Variants in OPCML observed in about 807,000 individuals in gnomAD.
OPCML encodes the protein opioid-binding protein/cell adhesion molecule.
A neutral mutation model predicts 37.8 loss-of-function variants in OPCML; 13 were observed. That is an observed-to-expected ratio of 0.34 (90% CI 0.22 to 0.55). The LOEUF (loss-of-function observed/expected upper bound fraction) is 0.55. OPCML is among the 20% of genes least tolerant of loss of function. The pLI is 0.91. For synonymous variants in OPCML, 176 were observed against 168.8 expected (o/e 1.04, Z -0.33); for missense variants, 341 against 435.6 (o/e 0.78, Z 1.93).
intron 3 of OPCML, among the ~76,000 whole-genome samples, chr11:132,571,635 A>G (rs1480716140): frequency 6.6e-6 from 1 of 152,170 alleles, no homozygotes; most frequent in African/African-American, 2.4e-5. Flanking sequence ...CTATTCTATC[A>G]TACACATACA....
Position 133,208,080 on chromosome 11 carries a change from A to AT in OPCML, c.62-265071dup, listed in dbSNP as rs561864700. On this transcript the variant is annotated intron_variant, in intron 1 of 7. Transcript: ENST00000524381. This position sits in a 1 kb window ranked among gnomAD's most constrained non-coding sequence, Gnocchi z 8.9. The stretch of plus-strand genomic sequence containing the variant: ...CCTTACTCTGAGCTCCCATAGCATT[A>AT]TTTTTTTCTCTCTTCAGAGCATCTA... Among the ~76,000 whole-genome samples the AT allele has an allele frequency of 8.7e-4, 133 of 152,162 alleles. 1 individual carries two copies. In the East Asian group the frequency reaches 0.017, roughly 19 times the overall value.
intron 2 of OPCML, among the ~76,000 whole-genome samples, chr11:132,677,419 G>A (rs574058375): frequency 1.1e-4 from 17 of 152,242 alleles, no homozygotes; most frequent in African/African-American, 4.1e-4. Flanking sequence ...TAAAGTTTAT[G>A]TGGACAGGAA....
At chr11:132,966,871 A>T (rs1303209147) in intron 1 of OPCML, among the ~76,000 whole-genome samples, 1 of 152,052 alleles carries the variant, frequency 6.6e-6, no homozygotes, top group East Asian at 1.9e-4. Context: ...CAGCTTTTTA[A>T]TTCCTGTTTG....
chr11:133,188,190 A>T (rs1388696099), intron 1 of OPCML, among the ~76,000 whole-genome samples: 1 of 152,216 alleles, frequency 6.6e-6, no homozygotes, highest in East Asian at 1.9e-4. Flanking sequence ...AAAAGCTGTC[A>T]TTGCAATTAT....
chr11:133,288,476 A>T (rs551189617), intron 1 of OPCML, among the ~76,000 whole-genome samples: 1 of 152,336 alleles, frequency 6.6e-6, no homozygotes, highest in Admixed American at 6.5e-5. Context: ...GCTTTAGAAA[A>T]AAAGTGGAGG....
chr11:133,498,942 GATTGTTACC>G (rs1411188094), intron 1 of OPCML, among the ~76,000 whole-genome samples: 1 of 152,220 alleles, frequency 6.6e-6, no homozygotes, highest in Non-Finnish European at 1.5e-5. Flanking sequence ...TATGTGGTAA[GATTGTTACC>G]ACTGTACAGA....
intron 1 of OPCML, among the ~76,000 whole-genome samples, chr11:133,222,054 C>G (rs562200092): frequency 6.6e-6 from 1 of 152,192 alleles, no homozygotes; most frequent in Admixed American, 6.5e-5. Context: ...GGGCAGTAAT[C>G]GGACAGGCTT....
intron 2 of OPCML, among the ~76,000 whole-genome samples, chr11:132,858,986 CTTGA>C (rs766508032): frequency 5.3e-5 from 8 of 152,084 alleles, no homozygotes; most frequent in Non-Finnish European, 7.3e-5. Flanking sequence ...GCCAAGGGTA[CTTGA>C]TTGATTAGTT....
At chr11:132,927,312 T>C (rs1344720543) in intron 2 of OPCML, among the ~76,000 whole-genome samples, 3 of 152,128 alleles carry the variant, frequency 2.0e-5, no homozygotes, top group Admixed American at 2.0e-4. Context: ...GAAACTAATT[T>C]ATCATTTACA....
At chr11:132,640,028 A>G (rs1423261088) in intron 3 of OPCML, among the ~76,000 whole-genome samples, 2 of 152,212 alleles carry the variant, frequency 1.3e-5, no homozygotes, top group Non-Finnish European at 1.5e-5. Flanking sequence ...AGAGAAGTCT[A>G]TAAAACTTCT....
chr11:133,027,567 GTGTGTGGTGTGTTA>G (rs1284169349), intron 1 of OPCML, among the ~76,000 whole-genome samples: 1 of 146,650 alleles, frequency 6.8e-6, no homozygotes, highest in East Asian at 2.2e-4. Flanking sequence ...GGTATGTTAC[GTGTGTGGTGTGTTA>G]TGTGTGGTGT....
At chr11:132,913,736 CA>C (rs1944505171) in intron 2 of OPCML, among the ~76,000 whole-genome samples, 1 of 152,156 alleles carries the variant, frequency 6.6e-6, no homozygotes, top group South Asian at 2.1e-4. Flanking sequence ...TGAAATGACC[CA>C]CAACTCCAAG....
At chr11:132,924,175 G>C (rs963408229) in intron 2 of OPCML, among the ~76,000 whole-genome samples, 1 of 151,854 alleles carries the variant, frequency 6.6e-6, no homozygotes, top group Admixed American at 6.6e-5. Context: ...AGAGAGAAAA[G>C]AGGAAGTAAA....
At chr11:132,760,359 T>C (rs979290808) in intron 2 of OPCML, among the ~76,000 whole-genome samples, 12 of 152,252 alleles carry the variant, frequency 7.9e-5, no homozygotes, top group African/African-American at 2.6e-4. Flanking sequence ...TTTTTGTTAA[T>C]TTTCTGTCTC....
chr11:132,966,773 A>G (rs1271758587), intron 1 of OPCML, among the ~76,000 whole-genome samples: 1 of 152,066 alleles, frequency 6.6e-6, no homozygotes, highest in Non-Finnish European at 1.5e-5. Flanking sequence ...TATATTCCTG[A>G]TGGATTGACC....
intron 3 of OPCML, among the ~76,000 whole-genome samples, chr11:132,640,753 A>T (rs1940805661): frequency 6.6e-6 from 1 of 152,148 alleles, no homozygotes; most frequent in African/African-American, 2.4e-5. Context: ...GGAGTTTGGC[A>T]AGTGGGAAAG....
intron 2 of OPCML, among the ~76,000 whole-genome samples, chr11:132,730,932 A>T: frequency 6.6e-6 from 1 of 152,358 alleles, no homozygotes; most frequent in South Asian, 2.1e-4. Flanking sequence ...AGCTCAGGAT[A>T]GTCTTGAACC....
At chr11:133,468,975 C>A (rs574333746) in intron 1 of OPCML, among the ~76,000 whole-genome samples, 1 of 152,206 alleles carries the variant, frequency 6.6e-6, no homozygotes, top group African/African-American at 2.4e-5. Context: ...GGATAGTCAC[C>A]CGGGAACTGA....
At chr11:132,508,075 C>G (rs1469341351) in intron 4 of OPCML, among the ~76,000 whole-genome samples, 2 of 152,056 alleles carry the variant, frequency 1.3e-5, no homozygotes, top group African/African-American at 2.4e-5. Context: ...TAATAGAAAA[C>G]ACTAGAAATA....
Sources: allele counts gnomAD v4.1 joint callset (sites outside exome capture counted in the v4.1 genomes callset), GRCh38; gene constraint gnomAD v4.1.1; non-coding constraint Gnocchi (gnomAD v3.1); transcripts MANE v1.5; gene names NCBI Gene and HGNC (gene_info 2026-07-23, HGNC 2026-07-21).